Variants in FMN2 observed in about 807,000 individuals in gnomAD.
FMN2 encodes formin 2.
FMN2 carries 51 observed loss-of-function variants against 142.3 expected under a neutral mutation model. The ratio of observed to expected loss-of-function variants is 0.36; its 90% CI spans 0.29 to 0.45. The LOEUF (loss-of-function observed/expected upper bound fraction) is 0.45, where lower values mean the gene tolerates loss of function less well. FMN2 is among the 20% of genes least tolerant of loss of function. The pLI is 1.00. For synonymous variants in FMN2, 882 were observed against 869.8 expected (o/e 1.01, Z -0.25); for missense variants, 1,936 against 2,122.8 (o/e 0.91, Z 1.73).
intron 4 of FMN2, among the ~76,000 whole-genome samples, chr1:240,198,590 T>C (rs1169510051): frequency 1.3e-5 from 2 of 152,220 alleles, no homozygotes; most frequent in African/African-American, 4.8e-5. Context: ...ATATGTTCTA[T>C]TTTAAAAAGC....
chr1:240,405,569 G>C (rs1477874327), intron 15 of FMN2, among the ~76,000 whole-genome samples: 1 of 151,898 alleles, frequency 6.6e-6, no homozygotes, highest in African/African-American at 2.4e-5. Context: ...GGTAAGCTGA[G>C]GTTGCGCCAC....
chr1:240,159,024 G>A (rs767434115), intron 2 of FMN2, among the ~76,000 whole-genome samples: 6 of 152,026 alleles, frequency 3.9e-5, no homozygotes, highest in Non-Finnish European at 5.9e-5. Flanking sequence ...ACTGTTTCCC[G>A]TTCAACCTGA....
chr1:240,353,367 C>A (rs1672161071), intron 13 of FMN2, among the ~76,000 whole-genome samples: 1 of 152,124 alleles, frequency 6.6e-6, no homozygotes, highest in Non-Finnish European at 1.5e-5. Context: ...AGGTAATTAG[C>A]CCCAAATCGT....
intron 15 of FMN2, among the ~76,000 whole-genome samples, chr1:240,422,891 T>C (rs1674819420): frequency 6.6e-6 from 1 of 152,216 alleles, no homozygotes; most frequent in African/African-American, 2.4e-5. Context: ...CCTGAAAATG[T>C]GTCACTTAGA....
intron 2 of FMN2, among the ~76,000 whole-genome samples, chr1:240,133,833 A>G (rs1014001104): frequency 2.0e-5 from 3 of 152,166 alleles, no homozygotes; most frequent in African/African-American, 7.2e-5. Flanking sequence ...TTGCCTATTT[A>G]CCCTGTAACA....
At chr1:240,138,064 C>CAAAAA (rs369637580) in intron 2 of FMN2, among the ~76,000 whole-genome samples, 2 of 95,598 alleles carry the variant, frequency 2.1e-5, no homozygotes, top group East Asian at 3.8e-4. Context: ...GACTCCATCT[C>CAAAAA]AAAAAAAAAA....
In FMN2 at chr1:240,329,261, T is replaced by C. The variant is rs141031196; in HGVS notation, c.4308-78T>C. Reference sequence around the variant, plus strand: ...CAAATGCGGTGTCTTCAGTGCATACTTGTTGTGAATGAGATGAGGATAAAC... The same window carrying C: ...CAAATGCGGTGTCTTCAGTGCATACCTGTTGTGAATGAGATGAGGATAAAC... On this transcript the variant is annotated intron_variant, in intron 9 of 17. Coordinates refer to ENST00000319653, the MANE Select transcript of FMN2 (RefSeq NM_020066.5). 2.6e-3 allele frequency: 4,205 copies of C among 1,594,854 alleles called. 12 individuals are homozygous for C. Among genetic ancestry groups the C allele is most frequent in the Non-Finnish European group, 2.8e-3 (3,219 of 1,166,444 alleles).
intron 16 of FMN2, among the ~76,000 whole-genome samples, chr1:240,449,737 T>A (rs1190282692): frequency 3.3e-5 from 5 of 152,228 alleles, no homozygotes; most frequent in Non-Finnish European, 5.9e-5. Context: ...ATTGTCATCA[T>A]CATTATTTAA....
chr1:240,173,081 G>A (rs186215278), intron 2 of FMN2, among the ~76,000 whole-genome samples: 166 of 152,080 alleles, frequency 1.1e-3, no homozygotes, highest in African/African-American at 3.3e-3. Context: ...GACTACAGGC[G>A]CCTGCCACCA....
intron 14 of FMN2, among the ~76,000 whole-genome samples, chr1:240,373,839 A>G (rs537373172): frequency 4.3e-4 from 66 of 152,344 alleles, no homozygotes; most frequent in African/African-American, 1.6e-3. Context: ...TCTTAATGGC[A>G]TCTAGAATGA....
At chr1:240,284,034 G>A (rs942154755) in intron 7 of FMN2, among the ~76,000 whole-genome samples, 2 of 152,082 alleles carry the variant, frequency 1.3e-5, no homozygotes, top group Admixed American at 6.6e-5. Flanking sequence ...TACAGTAGCA[G>A]CAATTGTTCC....
intron 8 of FMN2, among the ~76,000 whole-genome samples, chr1:240,306,659 T>A (rs1157931888): frequency 6.6e-6 from 1 of 152,224 alleles, no homozygotes; most frequent in Admixed American, 6.5e-5. Context: ...TTGATGGACA[T>A]CTAGGTTTAT....
At chr1:240,311,789 A>G (rs1428065439) in intron 8 of FMN2, among the ~76,000 whole-genome samples, 1 of 152,168 alleles carries the variant, frequency 6.6e-6, no homozygotes, top group Admixed American at 6.5e-5. Context: ...GTGGAAATAA[A>G]TGATCCGGGA....
At chr1:240,313,136 CTTT>C (rs1670650899) in intron 8 of FMN2, among the ~76,000 whole-genome samples, 1 of 152,136 alleles carries the variant, frequency 6.6e-6, no homozygotes. Context: ...TTTGGGAGGT[CTTT>C]ACTAAGTGAG....
At chr1:240,148,983 AAT>A (rs1168328352) in intron 2 of FMN2, among the ~76,000 whole-genome samples, 4 of 151,914 alleles carry the variant, frequency 2.6e-5, no homozygotes, top group Admixed American at 2.6e-4. Context: ...AAAAAAAATA[AAT>A]AAATAAATAA....
chr1:240,349,033 C>T (rs772957204), intron 13 of FMN2, among the ~76,000 whole-genome samples: 3 of 152,138 alleles, frequency 2.0e-5, no homozygotes, highest in Non-Finnish European at 2.9e-5. Context: ...AACCAAAAGT[C>T]GAGCCTGTGG....
chr1:240,260,168 C>A (rs537814760), intron 7 of FMN2, among the ~76,000 whole-genome samples: 15 of 152,242 alleles, frequency 9.9e-5, no homozygotes, highest in Middle Eastern at 3.4e-3. Flanking sequence ...GGCATTTAGG[C>A]TGGTTCCATA....
chr1:240,294,310 T>C (rs1669893596), intron 7 of FMN2, among the ~76,000 whole-genome samples: 1 of 152,200 alleles, frequency 6.6e-6, no homozygotes, highest in African/African-American at 2.4e-5. Flanking sequence ...CTAATACCAC[T>C]ACCAATATAA....
Position 240,453,744 on chromosome 1 carries a change from C to T in FMN2, c.5060+15534C>T, listed in dbSNP as rs1179596762. Among the ~76,000 whole-genome samples the T allele has an allele frequency of 1.4e-3, 14 of 10,264 alleles. 6 individuals carry two copies. 6.7% of individuals were successfully genotyped at this position (10,264 alleles called of 152,430 possible). On this transcript the variant is annotated intron_variant, in intron 16 of 17. Transcript: ENST00000319653. ...GTGGCTCACGCCTGTAATCCCAGCACTTTGGGAGGCCGAGGCGGGTGGATC... is the reference window on the plus strand; with the variant it reads ...GTGGCTCACGCCTGTAATCCCAGCATTTTGGGAGGCCGAGGCGGGTGGATC...
Sources: allele counts gnomAD v4.1 joint callset (sites outside exome capture counted in the v4.1 genomes callset), GRCh38; gene constraint gnomAD v4.1.1; transcripts MANE v1.5; gene names NCBI Gene and HGNC (gene_info 2026-07-23, HGNC 2026-07-21).